The following PTPRF variants were observed in gnomAD, a reference collection of about 807,000 sequenced individuals.
PTPRF encodes the protein receptor-type tyrosine-protein phosphatase F.
A neutral mutation model predicts 201.8 loss-of-function variants in PTPRF; 59 were observed. The observed-to-expected ratio is 0.29, with a 90% CI of 0.24 to 0.36. The LOEUF (loss-of-function observed/expected upper bound fraction) is 0.36. Ranked by LOEUF, PTPRF falls within the 10% of genes least tolerant of loss-of-function variation. The pLI is 1.00. For missense variants in PTPRF, 2,132 were observed against 2,690.5 expected (o/e 0.79, Z 4.59); for synonymous variants, 1,088 against 1,089.7 (o/e 1.00, Z 0.03).
intron 13 of PTPRF, among the ~76,000 whole-genome samples, 154 bp from the exon 14 acceptor site, chr1:43,601,917 G>A (rs540221014): frequency 2.7e-4 from 41 of 152,276 alleles, no homozygotes; most frequent in African/African-American, 8.4e-4. Flanking sequence ...TCTTTGAACC[G>A]GGAGTTGTTC....
chr1:43,553,543 G>A lies in PTPRF; in HGVS notation c.143G>A (p.Gly48Glu). The A allele has an allele frequency of 6.2e-7, 1 of 1,614,100 alleles. No individual in the cohort carries two copies. Among genetic ancestry groups the A allele is most frequent in the Non-Finnish European group, 8.5e-7 (1 of 1,179,982 alleles). The change falls in exon 4 of 34, where the codon GGG becomes GAG. Residue 48 changes from glycine (G) to glutamate (E), a missense_variant. Physicochemically the swap from Gly to Glu is moderately conservative, Grantham distance 98. Coordinates refer to ENST00000359947, the MANE Select transcript of PTPRF (RefSeq NM_002840.5). This position sits in a 1 kb window ranked among gnomAD's most constrained non-coding sequence, Gnocchi z 4.1. ...VPEDQTGLSG[G>E]VASFVCQATG... is the part of the protein sequence containing the mutation. ...GAGGACCAGACTGGGCTGTCAGGAG[G>A]GGTAGCCTCCTTCGTGTGCCAAGCT...
intron 23 of PTPRF, 149 bp from the exon 24 acceptor site, chr1:43,617,296 T>TA (rs1658101753): frequency 3.3e-5 from 38 of 1,148,914 alleles, no homozygotes; most frequent in Non-Finnish European, 4.7e-5. Context: ...GTGAGCTCCA[T>TA]GGCTGGCACC....
At chr1:43,615,232 A>AT (rs1342972453) in intron 23 of PTPRF, among the ~76,000 whole-genome samples, 1 of 152,192 alleles carries the variant, frequency 6.6e-6, no homozygotes, top group African/African-American at 2.4e-5. Context: ...CTCTGCCTAT[A>AT]GGGCCCCCCT....
At chr1:43,558,572 G>A (rs976073575) in intron 5 of PTPRF, among the ~76,000 whole-genome samples, 30 of 152,202 alleles carry the variant, frequency 2.0e-4, no homozygotes, top group Admixed American at 2.0e-3. Context: ...GCCGCCCAGC[G>A]TTCCTGTCTG....
At chr1:43,600,753 C>A (rs596522) in intron 13 of PTPRF, among the ~76,000 whole-genome samples, 41,934 of 151,844 alleles carry the variant, frequency 0.28, 6,921 homozygotes, top group Non-Finnish European at 0.37. Context: ...GCATTTCTCT[C>A]TCCTTCTTGG....
intron 7 of PTPRF, among the ~76,000 whole-genome samples, chr1:43,587,395 GA>G (rs1649429873): frequency 6.6e-6 from 1 of 152,212 alleles, no homozygotes; most frequent in East Asian, 1.9e-4. Context: ...CATGGATTTG[GA>G]AGATATGTTA....
chr1:43,582,030 T>C (rs1475548820), intron 7 of PTPRF, among the ~76,000 whole-genome samples: 1 of 152,190 alleles, frequency 6.6e-6, no homozygotes, highest in Non-Finnish European at 1.5e-5. Flanking sequence ...CCACTGCCAT[T>C]GTCTCCACCC....
At chr1:43,577,478 C>A (rs546186815) in intron 6 of PTPRF, among the ~76,000 whole-genome samples, 5 of 152,334 alleles carry the variant, frequency 3.3e-5, no homozygotes, top group African/African-American at 1.2e-4. Context: ...CTCCAGCTGC[C>A]AGCCCCCTGG....
At chr1:43,575,021 G>T (rs1021736742) in intron 6 of PTPRF, among the ~76,000 whole-genome samples, 1 of 152,226 alleles carries the variant, frequency 6.6e-6, no homozygotes, top group South Asian at 2.1e-4. Flanking sequence ...ATCCCCAGAC[G>T]TGGGCAGGAA....
At chr1:43,606,560 T>A (rs1655171022) in intron 20 of PTPRF, 102 bp downstream of exon 20, 3 of 1,250,488 alleles carry the variant, frequency 2.4e-6, no homozygotes, top group Non-Finnish European at 3.3e-6. Flanking sequence ...TTTATCAGTT[T>A]GGGGGCTTCG....
intron 11 of PTPRF, among the ~76,000 whole-genome samples, chr1:43,593,899 T>C (rs1283618154): frequency 6.6e-6 from 1 of 151,952 alleles, no homozygotes; most frequent in Non-Finnish European, 1.5e-5. Flanking sequence ...GGCAGGAGAA[T>C]CACTTGACCC....
chr1:43,575,869 G>A (rs1170469384), intron 6 of PTPRF: 3 of 1,348,650 alleles, frequency 2.2e-6, no homozygotes, highest in Admixed American at 4.0e-5. Context: ...TTATACTAAT[G>A]CTTCTCTCTG....
In PTPRF at chr1:43,588,215, G is replaced by A. The variant is rs1296141141; in HGVS notation, c.680-516G>A. 6.6e-6 allele frequency among the ~76,000 whole-genome samples: 1 copy of A among 152,156 alleles called. No individual in the cohort carries two copies. Among genetic ancestry groups the A allele is most frequent in the Non-Finnish European group, 1.5e-5 (1 of 68,030 alleles). ...TCTTCCCCTCAGGCCATGGCCTGGA[G>A]GTGGAGGCAGTGACTCCACGGCAGG... On this transcript the variant is annotated intron_variant, in intron 7 of 33. Coordinates refer to ENST00000359947, the MANE Select transcript of PTPRF (RefSeq NM_002840.5). This position sits in a 1 kb window ranked among gnomAD's most constrained non-coding sequence, Gnocchi z 5.3.
rs150710841 is a variant in PTPRF, at chr1:43,571,742, G to T, written c.568+1964G>T. Reference sequence around the variant, plus strand: ...TCAGGTTTGCTGCTCATACCTTCCTGTGCCTCAGTGGTGTCTCCTTGCCTA... The same window carrying T: ...TCAGGTTTGCTGCTCATACCTTCCTTTGCCTCAGTGGTGTCTCCTTGCCTA... On this transcript the variant is annotated intron_variant, in intron 6 of 33. Coordinates refer to ENST00000359947, the MANE Select transcript of PTPRF (RefSeq NM_002840.5). Among the ~76,000 whole-genome samples, 505 of 152,298 alleles carry T rather than the reference G, an allele frequency of 3.3e-3. 5 individuals carry two copies. Among genetic ancestry groups the T allele is most frequent in the Middle Eastern group, 3.4e-3 (1 of 294 alleles).
chr1:43,584,244 C>G (rs1330713949), intron 7 of PTPRF, among the ~76,000 whole-genome samples: 1 of 152,088 alleles, frequency 6.6e-6, no homozygotes, highest in African/African-American at 2.4e-5. Flanking sequence ...GTAGGACAGG[C>G]TGAGCCTCAG....
rs1376467181 is a variant in PTPRF, at chr1:43,546,114, T to C, written c.91+948T>C. On this transcript the variant is annotated intron_variant, in intron 3 of 33. Coordinates refer to ENST00000359947, the MANE Select transcript of PTPRF (RefSeq NM_002840.5). The surrounding 1 kb of genome is among the most constrained non-coding windows in gnomAD (Gnocchi z 4.2). ...GGTCAGCCCACGGGTCACCAGGCCA[T>C]AGGGCTCCCCCACCTGCCTCCGTAT... Among the ~76,000 whole-genome samples the C allele has an allele frequency of 1.3e-5, 2 of 152,120 alleles. No individual in the cohort carries two copies. The highest frequency in any genetic ancestry group is 1.9e-4 in the East Asian group (1 of 5,184).
chr1:43,529,083 T>G (rs1643242305), upstream of PTPRF, among the ~76,000 whole-genome samples: 1 of 152,092 alleles, frequency 6.6e-6, no homozygotes, highest in African/African-American at 2.4e-5. Context: ...CTTTTAAAAT[T>G]TGGGGGCCGA....
rs182754024 is a variant in PTPRF, at chr1:43,575,259, G to A, written c.569-3551G>A. The stretch of plus-strand genomic sequence containing the variant: ...ATGAGGTGCTAGACAGGAAAAGGGT[G>A]GGCCCTGATCTCTGCCTCTCGCCAG... On this transcript the variant is annotated intron_variant, in intron 6 of 33. Transcript: ENST00000359947. 7.1e-4 allele frequency among the ~76,000 whole-genome samples: 108 copies of A among 152,334 alleles called. 1 individual carries two copies. The highest frequency in any genetic ancestry group is 1.1e-3 in the Non-Finnish European group (78 of 68,032).
rs2153998221 is a variant in PTPRF at position 43,578,897 on chromosome 1, C to A, written c.656C>A (p.Ala219Asp). Residue 219 changes from alanine to aspartate, a missense_variant, in exon 7 of 34, where the codon GCC (alanine) becomes GAC (aspartate). Physicochemically the swap from Ala to Asp is moderately radical, Grantham distance 126. Around this residue, in one of 6 missense-constraint regions of PTPRF, gnomAD observed 297 missense variants for 454.0 expected, o/e 0.65. Transcript: ENST00000359947. The stretch of plus-strand genomic sequence containing the variant: ...AACTCGGCAGGCACACGTTACTCAG[C>A]CCCTGCGAACCTGTATGTGCGAGGT... ...ATNSAGTRYS[A>D]PANLYVRVRR... 6.2e-7 allele frequency: 1 copy of A among 1,614,214 alleles called. No individual in the cohort carries two copies. Among genetic ancestry groups the A allele is most frequent in the African/African-American group, 1.3e-5 (1 of 75,080 alleles).
Sources: gnomAD v4.1 joint callset for allele counts (sites outside exome capture counted in the v4.1 genomes callset) on GRCh38, gnomAD v4.1.1 for gene constraint, gnomAD v4.1.1 regional missense constraint, Gnocchi (gnomAD v3.1) non-coding constraint, MANE v1.5 for transcripts, NCBI Gene and HGNC (gene_info 2026-07-23, HGNC 2026-07-21) for gene names.